The following NIBAN1 variants were observed in gnomAD, a reference collection of about 807,000 sequenced individuals.
The protein encoded by NIBAN1 is niban apoptosis regulator 1.
A neutral mutation model predicts 75.1 loss-of-function variants in NIBAN1; 81 were observed. The observed-to-expected ratio is 1.08, with a 90% CI of 0.90 to 1.30. The LOEUF is 1.30. NIBAN1 is among the 50% of genes most tolerant of loss of function. NIBAN1 has a pLI of 0.00. For synonymous variants in NIBAN1, 436 were observed against 424.8 expected (o/e 1.03, Z -0.32); for missense variants, 1,133 against 1,128.1 (o/e 1.00, Z -0.06).
At chr1:184,915,526 C>T (rs576836927) in intron 1 of NIBAN1, among the ~76,000 whole-genome samples, 78 of 152,184 alleles carry the variant, frequency 5.1e-4, no homozygotes, top group African/African-American at 1.8e-3. Context: ...GATTGTATTC[C>T]AGAATGCTGA....
intron 1 of NIBAN1, among the ~76,000 whole-genome samples, chr1:184,903,927 A>C: frequency 6.8e-6 from 1 of 146,492 alleles, no homozygotes; most frequent in South Asian, 2.2e-4. Context: ...ACACAGTTTC[A>C]CTCTTATCCC....
chr1:184,806,417 C>T (rs1458174172), intron 10 of NIBAN1, among the ~76,000 whole-genome samples: 1 of 152,192 alleles, frequency 6.6e-6, no homozygotes, highest in Non-Finnish European at 1.5e-5. Context: ...TAGATGTAAA[C>T]CGCTCCACAG....
At chr1:184,898,902 C>T (rs1046731208) in intron 2 of NIBAN1, among the ~76,000 whole-genome samples, 3 of 152,192 alleles carry the variant, frequency 2.0e-5, no homozygotes, top group Non-Finnish European at 4.4e-5. Context: ...AACTTCACTA[C>T]AGAAAGTCAA....
chr1:184,856,785 A>G (rs557694386), intron 5 of NIBAN1, among the ~76,000 whole-genome samples: 6 of 152,314 alleles, frequency 3.9e-5, no homozygotes, highest in African/African-American at 1.2e-4. Flanking sequence ...GAACAATCAC[A>G]AGGCAGGTGC....
intron 1 of NIBAN1, among the ~76,000 whole-genome samples, chr1:184,969,197 T>C (rs1318357306): frequency 6.6e-6 from 1 of 152,212 alleles, no homozygotes; most frequent in Non-Finnish European, 1.5e-5. Context: ...AGAATGCTAT[T>C]GTGGATAACT....
At chr1:184,899,506 A>G (rs555270385) in intron 1 of NIBAN1, among the ~76,000 whole-genome samples, 197 bp from the exon 2 acceptor site, 68 of 152,124 alleles carry the variant, frequency 4.5e-4, no homozygotes, top group African/African-American at 1.6e-3. Context: ...CCTGCTGCAC[A>G]TGCCCCATCT....
At chr1:184,933,388 C>T (rs1176138161) in intron 1 of NIBAN1, among the ~76,000 whole-genome samples, 3 of 152,234 alleles carry the variant, frequency 2.0e-5, no homozygotes, top group Non-Finnish European at 4.4e-5. Flanking sequence ...CTACATTTTC[C>T]GCAAAGCCCT....
At chr1:184,814,934 T>G (rs763989078) in intron 9 of NIBAN1, among the ~76,000 whole-genome samples, 18 of 152,184 alleles carry the variant, frequency 1.2e-4, no homozygotes, top group Non-Finnish European at 2.2e-4. Flanking sequence ...TCCTTAAGCT[T>G]TTGTTATTAA....
At chr1:184,837,962 A>T (rs753817727) in intron 5 of NIBAN1, among the ~76,000 whole-genome samples, 10 of 152,140 alleles carry the variant, frequency 6.6e-5, no homozygotes, top group Non-Finnish European at 1.0e-4. Flanking sequence ...ATTCAAATTT[A>T]TCTATATCTT....
chr1:184,971,252 G>T (rs1658928942), intron 1 of NIBAN1, among the ~76,000 whole-genome samples: 1 of 152,058 alleles, frequency 6.6e-6, no homozygotes, highest in South Asian at 2.1e-4. Context: ...CACTCAGCCT[G>T]CGTAACAGAG....
chr1:184,835,439 G>A (rs1040942515), intron 5 of NIBAN1, among the ~76,000 whole-genome samples: 1 of 152,094 alleles, frequency 6.6e-6, no homozygotes, highest in Non-Finnish European at 1.5e-5. Context: ...TTGGGCAGTA[G>A]GCCATTTTCA....
At chr1:184,960,916 C>T (rs1177160801) in intron 1 of NIBAN1, among the ~76,000 whole-genome samples, 1 of 152,076 alleles carries the variant, frequency 6.6e-6, no homozygotes, top group Non-Finnish European at 1.5e-5. Flanking sequence ...AGGCGTAAGC[C>T]ACCACGCTCA....
At chr1:184,822,979 C>T (rs899655448) in intron 8 of NIBAN1, among the ~76,000 whole-genome samples, 188 bp downstream of exon 8, 22 of 152,172 alleles carry the variant, frequency 1.4e-4, no homozygotes, top group African/African-American at 5.1e-4. Context: ...GCCTTGTGTC[C>T]ATGAAGCTTC....
At chr1:184,911,667 T>C (rs1259536638) in intron 1 of NIBAN1, among the ~76,000 whole-genome samples, 1 of 152,236 alleles carries the variant, frequency 6.6e-6, no homozygotes, top group African/African-American at 2.4e-5. Flanking sequence ...AGTACTGCTA[T>C]GAACCAGTCC....
At chr1:184,873,039 T>C (rs567993889) in intron 5 of NIBAN1, among the ~76,000 whole-genome samples, 1 of 152,300 alleles carries the variant, frequency 6.6e-6, no homozygotes, top group East Asian at 1.9e-4. Context: ...ATTCCTCAAC[T>C]TCAGTAATGG....
intron 12 of NIBAN1, 64 bp from the exon 13 acceptor site, chr1:184,798,254 T>C (rs1006852109): frequency 2.0e-6 from 2 of 1,024,292 alleles, no homozygotes; most frequent in Admixed American, 2.1e-5. Flanking sequence ...TTAGAGGAGA[T>C]ACAGAAAGGA....
intron 1 of NIBAN1, among the ~76,000 whole-genome samples, chr1:184,950,090 A>C (rs1347796234): frequency 6.6e-6 from 1 of 152,254 alleles, no homozygotes; most frequent in Non-Finnish European, 1.5e-5. Context: ...ATCATTTTAA[A>C]AAAAACAAGA....
intron 1 of NIBAN1, among the ~76,000 whole-genome samples, chr1:184,915,228 C>G (rs1170604329): frequency 6.6e-6 from 1 of 152,210 alleles, no homozygotes; most frequent in African/African-American, 2.4e-5. Context: ...CCTACTCAAT[C>G]AGAATCTATA....
At chr1:184,880,581 T>A (rs928969744) in intron 5 of NIBAN1, among the ~76,000 whole-genome samples, 2 of 152,184 alleles carry the variant, frequency 1.3e-5, no homozygotes, top group African/African-American at 4.8e-5. Context: ...CCCTCCCATA[T>A]CCTATTCCTC....
Sources: allele counts gnomAD v4.1 joint callset (sites outside exome capture counted in the v4.1 genomes callset), GRCh38; gene constraint gnomAD v4.1.1; transcripts MANE v1.5; gene names NCBI Gene and HGNC (gene_info 2026-07-23, HGNC 2026-07-21).